MPRIP: variants seen among roughly 807,000 people sequenced by gnomAD.
The protein encoded by MPRIP is myosin phosphatase Rho interacting protein, also known as myosin phosphatase Rho-interacting protein.
Under a neutral mutation model 234.9 loss-of-function variants are expected in MPRIP, and 59 were observed. The ratio of observed to expected loss-of-function variants is 0.25; its 90% confidence interval spans 0.20 to 0.31. MPRIP has a LOEUF of 0.31. MPRIP is among the 10% of genes least tolerant of loss of function. The probability of loss-of-function intolerance (pLI) is 1.00; values close to 1 mark genes in which losing one functional copy is unlikely to be tolerated. For missense variants in MPRIP, 2,436 were observed against 3,071.0 expected, an observed-to-expected ratio of 0.79 and a Z score of 4.89; for synonymous variants, 1,144 against 1,263.9, an observed-to-expected ratio of 0.91 and a Z score of 2.01.
intron 13 of MPRIP, among the ~76,000 whole-genome samples, chr17:17,155,439 TCACC>T (rs2045707296): frequency 1.3e-5 from 2 of 152,156 alleles, no homozygotes; most frequent in African/African-American, 2.4e-5. Context: ...AGACGGGATT[TCACC>T]TTGTTGGCCA....
rs773695355 is a variant in MPRIP at position 17,171,707 on chromosome 17, G to A, written c.6325-11G>A. On this transcript the variant is annotated splice_polypyrimidine_tract_variant and intron_variant, in intron 16 of 23. Coordinates refer to ENST00000651222, the MANE Select transcript of MPRIP (RefSeq NM_001364716.4). ...GAAAGAAGTCGATGAAGTCCCTTTT[G>A]CATTTTGCAGGCCACGTGCGAGCGA... The A allele has an allele frequency of 1.2e-6, 2 of 1,606,046 alleles. No homozygotes were observed. The highest frequency in any genetic ancestry group is 2.2e-5 in the South Asian group (2 of 89,656).
intron 2 of MPRIP, 35 bp from the exon 3 acceptor site, chr17:17,077,976 A>T: frequency 6.2e-7 from 1 of 1,612,700 alleles, no homozygotes; most frequent in South Asian, 1.1e-5. Flanking sequence ...CAGGACCCAG[A>T]TCCTCCTAAC....
At chr17:17,107,526 C>G (rs1321007597) in intron 3 of MPRIP, among the ~76,000 whole-genome samples, 1 of 152,224 alleles carries the variant, frequency 6.6e-6, no homozygotes, top group Non-Finnish European at 1.5e-5. Flanking sequence ...CAGGGAGACA[C>G]CTGCATCATC....
At chr17:17,108,026 A>G (rs1265161546) in intron 3 of MPRIP, among the ~76,000 whole-genome samples, 1 of 152,202 alleles carries the variant, frequency 6.6e-6, no homozygotes, top group African/African-American at 2.4e-5. Context: ...CCCTGTAGAT[A>G]GAGCAGTTGC....
In MPRIP at chr17:17,187,392, A is replaced by G. The variant is rs1216751132; in HGVS notation, c.*2498A>G. On this transcript the variant is annotated 3_prime_UTR_variant, in exon 24 of 24. Transcript: ENST00000651222. ...GGAAACGGACTGAGGCTGCTTTGCT[A>G]AGAGCTCCTGAAAATGCCCTGGGCC... 6.6e-6 allele frequency: 1 copy of G among 152,210 alleles called. No homozygotes were observed. Among genetic ancestry groups the G allele is most frequent in the African/African-American group, 2.4e-5 (1 of 41,440 alleles). The allele number at this position is 152,210 out of a possible 1,614,324, so 9.4% of individuals were successfully genotyped here.
At chr17:17,045,799 A>C (rs2088327325) in intron 1 of MPRIP, among the ~76,000 whole-genome samples, 1 of 149,966 alleles carries the variant, frequency 6.7e-6, no homozygotes, top group Non-Finnish European at 1.5e-5. Context: ...TACGGACCCA[A>C]ATATACAGTT....
intron 3 of MPRIP, among the ~76,000 whole-genome samples, chr17:17,119,523 A>G (rs1273162770): frequency 3.3e-5 from 5 of 152,256 alleles, no homozygotes; most frequent in African/African-American, 7.2e-5. Flanking sequence ...GCCACGTCCC[A>G]TAATCACTTG....
At chr17:17,048,546 C>G (rs970164737) in intron 1 of MPRIP, among the ~76,000 whole-genome samples, 8 of 152,126 alleles carry the variant, frequency 5.3e-5, no homozygotes, top group Non-Finnish European at 8.8e-5. Flanking sequence ...AAATCTCAGA[C>G]ACACAAAATC....
rs753914593 is a variant in MPRIP at position 17,150,153 on chromosome 17, T to G, written c.1639T>G (p.Leu547Val). Residue 547 changes from leucine to valine, a missense_variant, in exon 12 of 24, where the codon TTG becomes GTG. Transcript: ENST00000651222. ...RDSVAEEAAD[L>V]DGEIDLSACY... ...TCACTTCCCTCGGCAGGCAGCCGACTTGGATGGAGAAATTGACTTGTCCGC... is the reference window on the plus strand; with the variant it reads ...TCACTTCCCTCGGCAGGCAGCCGACGTGGATGGAGAAATTGACTTGTCCGC... 6.8e-6 allele frequency: 11 copies of G among 1,613,558 alleles called. No homozygotes were observed. The highest frequency in any genetic ancestry group is 9.3e-6 in the Non-Finnish European group (11 of 1,179,826).
chr17:17,114,736 A>G (rs2090249346), intron 3 of MPRIP, among the ~76,000 whole-genome samples: 1 of 150,426 alleles, frequency 6.6e-6, no homozygotes, highest in South Asian at 2.2e-4. Context: ...TTTTAGGAGG[A>G]AGGTGGGCCT....
chr17:17,114,459 T>G (rs1241241318), intron 3 of MPRIP, among the ~76,000 whole-genome samples: 1 of 152,322 alleles, frequency 6.6e-6, no homozygotes, highest in Non-Finnish European at 1.5e-5. Flanking sequence ...CTTGTGCTTT[T>G]GGCGTCATAT....
At chr17:17,110,141 G>C (rs2090141926) in intron 3 of MPRIP, among the ~76,000 whole-genome samples, 1 of 151,990 alleles carries the variant, frequency 6.6e-6, no homozygotes, top group South Asian at 2.1e-4. Flanking sequence ...TTGTTAAAAA[G>C]TGCCTGGCAG....
rs182433051 is a variant in MPRIP, at chr17:17,188,143, A to G, written c.*3249A>G. Reference sequence around the variant, plus strand: ...GCCCCAGGCAGGTGTGGAGACCAGCATTTCAGAGGACGCGCTGTCCACAGC... The same window carrying G: ...GCCCCAGGCAGGTGTGGAGACCAGCGTTTCAGAGGACGCGCTGTCCACAGC... On this transcript the variant is annotated 3_prime_UTR_variant, in exon 24 of 24. Transcript: ENST00000651222. 1.3e-5 allele frequency: 2 copies of G among 152,330 alleles called. No individual in the cohort carries two copies. The highest frequency in any genetic ancestry group is 2.9e-5 in the Non-Finnish European group (2 of 68,030). 9.4% of individuals were successfully genotyped at this position (152,330 alleles called of 1,614,324 possible).
Position 17,174,089 on chromosome 17 carries a change from C to A in MPRIP, c.6750+14C>A, listed in dbSNP as rs1299272792. 3.1e-6 allele frequency: 5 copies of A among 1,612,068 alleles called. 1 individual carries two copies. In the South Asian group the frequency reaches 5.5e-5, roughly 18 times the overall value. On this transcript the variant is annotated intron_variant, in intron 19 of 23. Coordinates refer to ENST00000651222, the MANE Select transcript of MPRIP (RefSeq NM_001364716.4). ...GCCCACAACCAGGTGAGCCTGCAGC[C>A]AGGTGAGCCCAAGGTTAGTCAGGGG...
chr17:17,139,396 A>G (rs183389272), intron 7 of MPRIP, among the ~76,000 whole-genome samples: 5 of 152,298 alleles, frequency 3.3e-5, no homozygotes, highest in African/African-American at 1.2e-4. Flanking sequence ...ATTTCACAGT[A>G]TTCTTCCCAG....
chr17:17,150,186 G>T lies in MPRIP; in HGVS notation c.1672G>T (p.Asp558Tyr), dbSNP rs144918812. 2 of 1,613,694 alleles carry T rather than the reference G, an allele frequency of 1.2e-6. No homozygotes were observed. Among genetic ancestry groups the T allele is most frequent in the Non-Finnish European group, 1.7e-6 (2 of 1,179,834 alleles). ...AGAAATTGACTTGTCCGCATGTTAC[G>T]ATGTCACAGAGTATCCAGTTCAGAG... ...DGEIDLSACY[D>Y]VTEYPVQRNY... The change falls in exon 12 of 24, where the codon GAT becomes TAT. Residue 558 changes from aspartate to tyrosine, a missense_variant. Asp to Tyr is a radical substitution (Grantham distance 160). Around this residue, in one of 4 missense-constraint regions of MPRIP, gnomAD observed 1,998 missense variants for 2,520.3 expected, o/e 0.79. Transcript: ENST00000651222.
chr17:17,171,814 C>G lies in MPRIP; in HGVS notation c.6421C>G (p.Arg2141Gly). 1 of 1,613,606 alleles carries G rather than the reference C, an allele frequency of 6.2e-7. No individual in the cohort carries two copies. The highest frequency in any genetic ancestry group is 8.5e-7 in the Non-Finnish European group (1 of 1,180,028). ...GCACCAGCGGGAGCTAGAGAAACTT[C>G]GAGAAGAGAAAGACCGCCTCCTAGC... Reference protein sequence around the residue: ...RQHQRELEKLREEKDRLLAEE... With the variant: ...RQHQRELEKLGEEKDRLLAEE... Residue 2141 changes from arginine (R) to glycine (G), a missense_variant, in exon 17 of 24, where the codon CGA becomes GGA. This residue lies in a region of MPRIP where 1,998 missense variants were observed against 2,520.3 expected (regional missense o/e 0.79). Coordinates refer to ENST00000651222, the MANE Select transcript of MPRIP (RefSeq NM_001364716.4).
intron 19 of MPRIP, among the ~76,000 whole-genome samples, chr17:17,174,972 A>G (rs2046223432): frequency 6.6e-6 from 1 of 152,168 alleles, no homozygotes; most frequent in Non-Finnish European, 1.5e-5. Context: ...GGCTGGGAAC[A>G]TAGTCCCTTT....
chr17:17,180,689 G>A (rs774819276), intron 23 of MPRIP: 16 of 1,603,692 alleles, frequency 1.0e-5, no homozygotes, highest in East Asian at 4.5e-5. Flanking sequence ...CTCTCCCACC[G>A]CCTGCATGCA....
Sources: gnomAD v4.1 joint callset for allele counts (sites outside exome capture counted in the v4.1 genomes callset) on GRCh38, gnomAD v4.1.1 for gene constraint, gnomAD v4.1.1 regional missense constraint, MANE v1.5 for transcripts, NCBI Gene and HGNC (gene_info 2026-07-23, HGNC 2026-07-21) for gene names.